ANKS1B: variants seen among roughly 807,000 people sequenced by gnomAD.
ANKS1B encodes the protein ankyrin repeat and sterile alpha motif domain containing 1B.
Under a neutral mutation model 148.3 loss-of-function variants are expected in ANKS1B, and 36 were observed. The observed-to-expected ratio is 0.24, with a 90% CI of 0.19 to 0.32. ANKS1B has a LOEUF of 0.32. Among genes scored for constraint, ANKS1B ranks in the 10% least tolerant of loss-of-function variants. The pLI is 1.00. For missense variants in ANKS1B, 1,157 were observed against 1,542.6 expected, an observed-to-expected ratio of 0.75 and a Z score of 4.19; for synonymous variants, 542 against 560.8, an observed-to-expected ratio of 0.97 and a Z score of 0.47.
chr12:98,956,470 A>G (rs1033997306), intron 17 of ANKS1B: 1 of 152,168 alleles, frequency 6.6e-6, no homozygotes, highest in Non-Finnish European at 1.5e-5. Flanking sequence ...TCTTCTGTCC[A>G]TAAAACCCAA....
chr12:99,553,484 T>C (rs1307601162), intron 9 of ANKS1B, among the ~76,000 whole-genome samples: 1 of 152,146 alleles, frequency 6.6e-6, no homozygotes, highest in Admixed American at 6.6e-5. Flanking sequence ...ACCAAGAATA[T>C]TAGATCAAGG....
chr12:99,492,889 C>G (rs1281922319), intron 10 of ANKS1B, among the ~76,000 whole-genome samples: 1 of 152,130 alleles, frequency 6.6e-6, no homozygotes, highest in African/African-American at 2.4e-5. Flanking sequence ...GCACAGACCT[C>G]AAAATAATAA....
intron 19 of ANKS1B, among the ~76,000 whole-genome samples, chr12:98,827,979 A>G (rs1281032180): frequency 6.6e-6 from 1 of 152,236 alleles, no homozygotes; most frequent in Non-Finnish European, 1.5e-5. Context: ...CAGATGCCCT[A>G]TTTAAAAGAG....
chr12:98,817,369 C>T (rs901620835), intron 19 of ANKS1B, among the ~76,000 whole-genome samples: 10 of 152,230 alleles, frequency 6.6e-5, no homozygotes, highest in Non-Finnish European at 8.8e-5. Flanking sequence ...GGTAACGCAC[C>T]AAACACCTTG....
chr12:99,425,890 T>C (rs1260143141), intron 11 of ANKS1B, among the ~76,000 whole-genome samples: 2 of 148,784 alleles, frequency 1.3e-5, no homozygotes, highest in Non-Finnish European at 3.1e-5. Flanking sequence ...GTTTTTTTGA[T>C]GCAAGGCAAC....
intron 6 of ANKS1B, among the ~76,000 whole-genome samples, 165 bp from the exon 7 acceptor site, chr12:99,775,826 C>T (rs762106283): frequency 3.3e-4 from 50 of 152,024 alleles, no homozygotes; most frequent in Non-Finnish European, 6.2e-4. Context: ...ATCAAAAGAA[C>T]GCCATGATGA....
intron 9 of ANKS1B, chr12:99,650,008 G>A (rs1051585798): frequency 6.6e-6 from 1 of 152,592 alleles, no homozygotes. Flanking sequence ...GACTGTGGAG[G>A]GGAACAATGT....
intron 15 of ANKS1B, chr12:99,093,659 G>C (rs1051246543): frequency 6.6e-6 from 1 of 152,254 alleles, no homozygotes; most frequent in Non-Finnish European, 1.5e-5. Flanking sequence ...CCAGGCTAAG[G>C]AGCCTGTGAT....
chr12:99,709,294 C>T (rs941011608), intron 8 of ANKS1B, among the ~76,000 whole-genome samples: 4 of 152,130 alleles, frequency 2.6e-5, no homozygotes, highest in African/African-American at 9.7e-5. Context: ...ACTATGGGTG[C>T]TGGAATGTAC....
intron 10 of ANKS1B, among the ~76,000 whole-genome samples, chr12:99,453,550 T>C (rs1397781451): frequency 6.6e-6 from 1 of 152,148 alleles, no homozygotes; most frequent in East Asian, 1.9e-4. Context: ...AGCAAATCCT[T>C]CAGCCCCAGT....
intron 12 of ANKS1B, among the ~76,000 whole-genome samples, chr12:99,335,522 G>A (rs975999617): frequency 2.0e-5 from 3 of 151,296 alleles, no homozygotes; most frequent in African/African-American, 7.3e-5. Context: ...CCAGCCTCTA[G>A]TAACCACCAT....
intron 12 of ANKS1B, among the ~76,000 whole-genome samples, chr12:99,398,622 C>A (rs2094318078): frequency 6.6e-6 from 1 of 152,086 alleles, no homozygotes; most frequent in South Asian, 2.1e-4. Flanking sequence ...TAACACTGTT[C>A]CAACAATGTA....
chr12:99,340,200 T>G (rs2089668424), intron 12 of ANKS1B, among the ~76,000 whole-genome samples: 1 of 152,188 alleles, frequency 6.6e-6, no homozygotes, highest in Non-Finnish European at 1.5e-5. Context: ...AATGGTACAG[T>G]CTGGGCTACC....
chr12:98,986,129 T>G (rs1291117141), intron 17 of ANKS1B, among the ~76,000 whole-genome samples: 1 of 152,142 alleles, frequency 6.6e-6, no homozygotes, highest in East Asian at 1.9e-4. Flanking sequence ...AATATTTCTA[T>G]TTTTTTGGCT....
At chr12:98,834,105 T>C (rs1454779637) in intron 17 of ANKS1B, among the ~76,000 whole-genome samples, 1 of 152,216 alleles carries the variant, frequency 6.6e-6, no homozygotes, top group African/African-American at 2.4e-5. Context: ...GGGTAAATGT[T>C]AGCCAAGGTG....
intron 1 of ANKS1B, among the ~76,000 whole-genome samples, chr12:99,881,437 C>T (rs1184524340): frequency 6.6e-6 from 1 of 152,170 alleles, no homozygotes; most frequent in African/African-American, 2.4e-5. Flanking sequence ...TTCTCTCTAT[C>T]TCTGTTTACC....
chr12:99,329,461 A>G (rs143409195), intron 12 of ANKS1B, among the ~76,000 whole-genome samples: 9 of 152,000 alleles, frequency 5.9e-5, no homozygotes, highest in Non-Finnish European at 1.3e-4. Flanking sequence ...CCTTGAAATG[A>G]GTTTACAGGG....
chr12:99,812,065 A>C (rs183493841), intron 3 of ANKS1B, 90 bp downstream of exon 3: 2 of 1,452,594 alleles, frequency 1.4e-6, no homozygotes, highest in Admixed American at 4.5e-5. Flanking sequence ...CCTTTGGGCA[A>C]GGTAAAGATA....
chr12:99,736,039 A>G (rs756056703), intron 8 of ANKS1B, among the ~76,000 whole-genome samples: 1 of 152,088 alleles, frequency 6.6e-6, no homozygotes, highest in Non-Finnish European at 1.5e-5. Flanking sequence ...GATACAGAAA[A>G]AGCATTTGAT....
Sources: allele counts gnomAD v4.1 joint callset (sites outside exome capture counted in the v4.1 genomes callset), GRCh38; gene constraint gnomAD v4.1.1; transcripts MANE v1.5; gene names NCBI Gene and HGNC (gene_info 2026-07-23, HGNC 2026-07-21).